TAMM41: variants seen among roughly 807,000 people sequenced by gnomAD.
TAMM41 encodes the protein TAM41 mitochondrial translocator assembly and maintenance homolog.
A neutral mutation model predicts 44.1 loss-of-function variants in TAMM41; 36 were observed. The ratio of observed to expected loss-of-function variants is 0.82; its 90% CI spans 0.63 to 1.08. The LOEUF is 1.08. Among genes scored for constraint, TAMM41 ranks in the 50% least tolerant of loss-of-function variants. TAMM41 has a pLI of 0.00. For synonymous variants in TAMM41, 164 were observed against 153.1 expected, an observed-to-expected ratio of 1.07 and a Z score of -0.53; for missense variants, 417 against 404.3, an observed-to-expected ratio of 1.03 and a Z score of -0.27.
chr3:11,776,578 C>A, the TAMM41 span, among the ~76,000 whole-genome samples: 1 of 152,138 alleles, frequency 6.6e-6, no homozygotes, highest in Non-Finnish European at 1.5e-5. Context: ...AGTAGGCCAT[C>A]CCATGTAGCC....
chr3:11,804,868 A>ATT (rs72142106), intron 7 of TAMM41, among the ~76,000 whole-genome samples: 4 of 145,438 alleles, frequency 2.8e-5, no homozygotes, highest in African/African-American at 7.5e-5. Context: ...TATTATTATA[A>ATT]TTTTTTTTTT....
intron 1 of TAMM41, 137 bp downstream of exon 1, chr3:11,846,365 G>A (rs919288626): frequency 5.9e-6 from 6 of 1,017,414 alleles, no homozygotes; most frequent in Admixed American, 4.3e-5. Flanking sequence ...TAGGAAGGCA[G>A]GCCTATGGTT....
At chr3:11,757,697 C>A in the TAMM41 span, among the ~76,000 whole-genome samples, 1 of 152,210 alleles carries the variant, frequency 6.6e-6, no homozygotes, top group Non-Finnish European at 1.5e-5. Flanking sequence ...GTAACTTATC[C>A]TGGTGCTTTA....
intron 7 of TAMM41, among the ~76,000 whole-genome samples, chr3:11,796,314 A>C (rs947455176): frequency 8.5e-5 from 13 of 152,194 alleles, no homozygotes; most frequent in African/African-American, 3.1e-4. Flanking sequence ...CTCTCATGTA[A>C]GCCTCAGAAC....
At chr3:11,722,124 G>A in the TAMM41 span, among the ~76,000 whole-genome samples, 4 of 152,148 alleles carry the variant, frequency 2.6e-5, no homozygotes, top group South Asian at 4.1e-4. Flanking sequence ...GGGTCAGTGC[G>A]GAGGTCCTAA....
the TAMM41 span, among the ~76,000 whole-genome samples, chr3:11,755,893 G>C: frequency 6.6e-6 from 1 of 152,192 alleles, no homozygotes; most frequent in African/African-American, 2.4e-5. Flanking sequence ...CCTGCCTGCT[G>C]TCTGTTCGTC....
the TAMM41 span, among the ~76,000 whole-genome samples, chr3:11,783,952 A>G: frequency 6.6e-6 from 1 of 152,220 alleles, no homozygotes; most frequent in South Asian, 2.1e-4. Flanking sequence ...TTAATACAAG[A>G]AACATTGCTC....
chr3:11,817,618 A>G (rs1247082090), intron 4 of TAMM41, among the ~76,000 whole-genome samples: 1 of 152,212 alleles, frequency 6.6e-6, no homozygotes, highest in African/African-American at 2.4e-5. Context: ...AACTTGTTTT[A>G]GCTTTTCCAA....
intron 7 of TAMM41, among the ~76,000 whole-genome samples, chr3:11,792,052 A>G (rs1559263141): frequency 1.3e-5 from 2 of 152,228 alleles, no homozygotes; most frequent in Admixed American, 1.3e-4. Context: ...CAGGGCACTG[A>G]GTCACAGCTA....
the TAMM41 span, among the ~76,000 whole-genome samples, chr3:11,759,760 C>T: frequency 1.3e-5 from 2 of 151,948 alleles, no homozygotes; most frequent in African/African-American, 2.4e-5. Context: ...AATCACTTGA[C>T]GTCAGGAGTC....
chr3:11,727,390 C>G, the TAMM41 span, among the ~76,000 whole-genome samples: 1 of 152,152 alleles, frequency 6.6e-6, no homozygotes, highest in African/African-American at 2.4e-5. Context: ...TGAATTGGAT[C>G]TGCATTTCAG....
At chr3:11,777,998 C>T in the TAMM41 span, among the ~76,000 whole-genome samples, 1 of 152,028 alleles carries the variant, frequency 6.6e-6, no homozygotes, top group Non-Finnish European at 1.5e-5. Context: ...GCTATCCTGG[C>T]ATTTCATGTA....
the TAMM41 span, among the ~76,000 whole-genome samples, chr3:11,751,812 C>A: frequency 6.6e-6 from 1 of 152,158 alleles, no homozygotes; most frequent in African/African-American, 2.4e-5. Context: ...CTTCTGACTA[C>A]GTTAATGTGG....
chr3:11,764,961 C>A, the TAMM41 span, among the ~76,000 whole-genome samples: 1 of 152,184 alleles, frequency 6.6e-6, no homozygotes, highest in African/African-American at 2.4e-5. Flanking sequence ...ATTGTCAGAT[C>A]ATGATTTGTA....
chr3:11,728,814 GC>G, the TAMM41 span, among the ~76,000 whole-genome samples: 1 of 152,088 alleles, frequency 6.6e-6, no homozygotes, highest in Non-Finnish European at 1.5e-5. Flanking sequence ...TTCGAGACCA[GC>G]CTGGCCAACA....
intron 4 of TAMM41, among the ~76,000 whole-genome samples, chr3:11,827,729 C>A (rs2078817800): frequency 6.6e-6 from 1 of 151,836 alleles, no homozygotes; most frequent in South Asian, 2.1e-4. Flanking sequence ...CAGTTTGCAG[C>A]CTCTCATCCT....
the TAMM41 span, among the ~76,000 whole-genome samples, chr3:11,775,026 T>TG: frequency 1.3e-5 from 2 of 151,952 alleles, no homozygotes; most frequent in Admixed American, 6.6e-5. Flanking sequence ...GCTGCCACCG[T>TG]GCCCGGCTAA....
chr3:11,763,075 A>G, the TAMM41 span, among the ~76,000 whole-genome samples: 5 of 152,168 alleles, frequency 3.3e-5, no homozygotes, highest in Non-Finnish European at 5.9e-5. Context: ...TGATTTTGAT[A>G]ATCATTTGCC....
intron 4 of TAMM41, among the ~76,000 whole-genome samples, chr3:11,817,704 C>A (rs1201985337): frequency 6.6e-6 from 1 of 152,186 alleles, no homozygotes; most frequent in Non-Finnish European, 1.5e-5. Flanking sequence ...GAGATAGGAG[C>A]TGTGCACCAT....
Sources: allele counts gnomAD v4.1 joint callset (sites outside exome capture counted in the v4.1 genomes callset), GRCh38; gene constraint gnomAD v4.1.1; transcripts MANE v1.5; gene names NCBI Gene and HGNC (gene_info 2026-07-23, HGNC 2026-07-21).